NEK5: variants seen among roughly 807,000 people sequenced by gnomAD.
NEK5 encodes the protein serine/threonine-protein kinase Nek5.
NEK5 carries 88 observed loss-of-function variants against 109.2 expected under a neutral mutation model. The ratio of observed to expected loss-of-function variants is 0.81; its 90% confidence interval spans 0.68 to 0.96. NEK5 has a LOEUF of 0.96. Among genes scored for constraint, NEK5 ranks in the 40% least tolerant of loss-of-function variants. The pLI, the probability that NEK5 is intolerant of heterozygous loss-of-function variation, is 0.00. For synonymous variants in NEK5, 283 were observed against 299.9 expected (o/e 0.94, Z 0.58); for missense variants, 834 against 920.7 (o/e 0.91, Z 1.22).
rs779139655 is a variant in NEK5, at chr13:52,102,247, C to T, written c.655G>A (p.Ala219Thr). 6.2e-6 allele frequency: 10 copies of T among 1,614,146 alleles called. No homozygotes were observed. The highest frequency in any genetic ancestry group is 7.6e-6 in the Non-Finnish European group (9 of 1,180,016). Reference sequence around the variant, plus strand: ...CCCGGAGATATTGGGGCAAAATGTGCTTGACAAATCTTCAGAACCAGCTGC... The same window carrying T: ...CCCGGAGATATTGGGGCAAAATGTGTTTGACAAATCTTCAGAACCAGCTGC... ...LQQLVLKICQ[A>T]HFAPISPGFS... The change falls in exon 10 of 24, where the codon GCA becomes ACA. Residue 219 changes from alanine to threonine, a missense_variant. Around this residue, in one of 2 missense-constraint regions of NEK5, gnomAD observed 777 missense variants for 824.7 expected, o/e 0.94. Coordinates refer to ENST00000684899, the MANE Select transcript of NEK5 (RefSeq NM_001365552.1).
chr13:52,058,649 C>T (rs1374408750), intron 22 of NEK5, among the ~76,000 whole-genome samples: 4 of 152,030 alleles, frequency 2.6e-5, no homozygotes, highest in Non-Finnish European at 4.4e-5. Flanking sequence ...AATAACGCCA[C>T]ATATCTACAA....
At chr13:52,043,197 A>T (rs999891530) in intron 23 of NEK5, among the ~76,000 whole-genome samples, 2 of 152,140 alleles carry the variant, frequency 1.3e-5, no homozygotes, top group African/African-American at 4.8e-5. Context: ...ACAATGTAAA[A>T]AAGGGACACT....
At chr13:52,088,828 C>T (rs1318016028) in intron 14 of NEK5, among the ~76,000 whole-genome samples, 3 of 151,478 alleles carry the variant, frequency 2.0e-5, no homozygotes, top group Non-Finnish European at 2.9e-5. Flanking sequence ...CAGTGGCTCA[C>T]GTCTGTAACC....
chr13:52,118,476 G>A (rs944603239), intron 4 of NEK5, among the ~76,000 whole-genome samples: 2 of 152,062 alleles, frequency 1.3e-5, no homozygotes, highest in Non-Finnish European at 2.9e-5. Context: ...ACAATGCCTG[G>A]CATAGAGTAA....
At chr13:52,042,817 G>A (rs1954424787) in intron 23 of NEK5, among the ~76,000 whole-genome samples, 1 of 151,708 alleles carries the variant, frequency 6.6e-6, no homozygotes, top group Admixed American at 6.6e-5. Context: ...ATTATGGGGG[G>A]AAAATTAATA....
intron 22 of NEK5, among the ~76,000 whole-genome samples, chr13:52,053,015 C>T (rs1954521552): frequency 6.6e-6 from 1 of 152,152 alleles, no homozygotes; most frequent in South Asian, 2.1e-4. Context: ...GACATGGTGG[C>T]TCAGGCTGGG....
chr13:52,045,391 A>T (rs1203086661), intron 23 of NEK5, among the ~76,000 whole-genome samples: 2 of 149,988 alleles, frequency 1.3e-5, no homozygotes, highest in African/African-American at 4.9e-5. Context: ...CGGCCTCCCA[A>T]AGTGCTGCCG....
chr13:52,086,112 C>T (rs1313231935), intron 16 of NEK5, among the ~76,000 whole-genome samples, 165 bp downstream of exon 16: 2 of 151,930 alleles, frequency 1.3e-5, no homozygotes, highest in Non-Finnish European at 2.9e-5. Context: ...TAAACTGAAG[C>T]TCCAATGAGG....
At chr13:52,075,690 G>T in intron 19 of NEK5, 68 bp downstream of exon 19, 2 of 946,784 alleles carry the variant, frequency 2.1e-6, no homozygotes, top group Non-Finnish European at 3.2e-6. Context: ...ATAATTTCAT[G>T]AAACATGCTA....
intron 13 of NEK5, among the ~76,000 whole-genome samples, chr13:52,092,731 T>C (rs556370921): frequency 7.3e-5 from 11 of 151,666 alleles, no homozygotes; most frequent in African/African-American, 2.7e-4. Context: ...ACTAAAAATA[T>C]AAAAATCAGT....
At chr13:52,093,286 G>T in intron 12 of NEK5, 51 bp from the exon 13 acceptor site, 1 of 1,386,856 alleles carries the variant, frequency 7.2e-7, no homozygotes, top group Non-Finnish European at 1.0e-6. Flanking sequence ...CAGGCTGGGT[G>T]CAGTGGCTCA....
At chr13:52,037,266 A>C (rs930786462) in intron 23 of NEK5, 48 bp from the exon 24 acceptor site, 8 of 883,360 alleles carry the variant, frequency 9.1e-6, no homozygotes, top group Non-Finnish European at 1.1e-5. Context: ...GAAAGTACTG[A>C]AGAATACATG....
rs1420959939 is a variant in NEK5 at position 52,108,335 on chromosome 13, T to C, written c.537A>G (p.Lys179=). The change falls in exon 8 of 24, where the codon AAA becomes AAG. Residue 179 remains lysine (K), a synonymous_variant. Coordinates refer to ENST00000684899, the MANE Select transcript of NEK5 (RefSeq NM_001365552.1). ...CAACTTACGTTTTATTGTTGTAGGGTTTATTCTGACAGATCTCTGGGGACA... is the reference window on the plus strand; with the variant it reads ...CAACTTACGTTTTATTGTTGTAGGGCTTATTCTGACAGATCTCTGGGGACA... ...YYLSPEICQN[K]PYNNKTDIWS... is the part of the protein sequence containing the mutation. 1.2e-6 allele frequency: 2 copies of C among 1,610,386 alleles called. No individual in the cohort carries two copies.
intron 12 of NEK5, 54 bp from the exon 13 acceptor site, chr13:52,093,289 G>T: frequency 7.4e-7 from 1 of 1,355,202 alleles, no homozygotes; most frequent in East Asian, 2.3e-5. Context: ...GCTGGGTGCA[G>T]TGGCTCACAC....
intron 20 of NEK5, among the ~76,000 whole-genome samples, chr13:52,071,066 A>G (rs1185979392): frequency 6.6e-6 from 1 of 152,234 alleles, no homozygotes; most frequent in Non-Finnish European, 1.5e-5. Flanking sequence ...CACACTACTG[A>G]GAGATGACAG....
chr13:52,118,164 G>A (rs1317658718), intron 4 of NEK5, among the ~76,000 whole-genome samples: 1 of 152,218 alleles, frequency 6.6e-6, no homozygotes, highest in Non-Finnish European at 1.5e-5. Context: ...ACATACTCAA[G>A]ACACAGTGGC....
intron 12 of NEK5, among the ~76,000 whole-genome samples, chr13:52,095,120 G>A (rs964190106): frequency 1.3e-5 from 2 of 152,012 alleles, no homozygotes; most frequent in Non-Finnish European, 2.9e-5. Context: ...ACTTTTTGTA[G>A]AGGTGGGGTC....
chr13:52,082,356 A>C (rs1452405893), intron 17 of NEK5: 1 of 1,194,486 alleles, frequency 8.4e-7, no homozygotes, highest in Non-Finnish European at 1.1e-6. Flanking sequence ...GGGCCAAATC[A>C]TTGAGAATCT....
At chr13:52,075,660 T>G in intron 19 of NEK5, 98 bp downstream of exon 19, 4 of 770,226 alleles carry the variant, frequency 5.2e-6, no homozygotes, top group Non-Finnish European at 6.3e-6. Context: ...TTGAAAAAAA[T>G]TATCCCTACA....
Sources: gnomAD v4.1 joint callset for allele counts (sites outside exome capture counted in the v4.1 genomes callset) on GRCh38, gnomAD v4.1.1 for gene constraint, gnomAD v4.1.1 regional missense constraint, MANE v1.5 for transcripts, NCBI Gene and HGNC (gene_info 2026-07-23, HGNC 2026-07-21) for gene names.